TECPR2: variants seen among roughly 807,000 people sequenced by gnomAD.
TECPR2 encodes the protein tectonin beta-propeller repeat containing 2, also known as tectonin beta-propeller repeat-containing protein 2.
In TECPR2, 65 loss-of-function variants were observed where a neutral mutation model predicts 138.1. The ratio of observed to expected loss-of-function variants is 0.47; its 90% CI spans 0.39 to 0.58. The LOEUF is 0.58. Among genes scored for constraint, TECPR2 ranks in the 20% least tolerant of loss-of-function variants. The pLI, the probability that TECPR2 is intolerant of heterozygous loss-of-function variation, is 0.00. For missense variants in TECPR2, 1,553 were observed against 1,824.5 expected (o/e 0.85, Z 2.71); for synonymous variants, 746 against 749.8 (o/e 0.99, Z 0.08).
chr14:102,462,956 AG>A (rs1224525608), intron 16 of TECPR2, among the ~76,000 whole-genome samples: 1 of 152,218 alleles, frequency 6.6e-6, no homozygotes, highest in Non-Finnish European at 1.5e-5. Flanking sequence ...AAAGATTCCC[AG>A]CATCATTCCT....
At chr14:102,388,960 CAAAA>C (rs778348018) in intron 2 of TECPR2, among the ~76,000 whole-genome samples, 1 of 59,406 alleles carries the variant, frequency 1.7e-5, no homozygotes, top group African/African-American at 7.1e-5. Context: ...GACTCCGTCT[CAAAA>C]AAAAAAAAAA....
chr14:102,483,847 A>G (rs139522798), intron 17 of TECPR2, among the ~76,000 whole-genome samples: 5,501 of 126,398 alleles, frequency 0.044, 335 homozygotes, highest in African/African-American at 0.14. Context: ...CCCAGGCTGG[A>G]GTGCAGTGGC....
rs973383043 is a variant in TECPR2, at chr14:102,415,013, G to T, written c.638+220G>T. On this transcript the variant is annotated intron_variant, in intron 5 of 19. Coordinates refer to ENST00000359520, the MANE Select transcript of TECPR2 (RefSeq NM_014844.5). This position sits in a 1 kb window ranked among gnomAD's most constrained non-coding sequence, Gnocchi z 4.3. Reference sequence around the variant, plus strand: ...TTCTTCTTGTCGCAGAGCTGTAGGAGCCTGCACACACAGCCACTCTGCCTC... The same window carrying T: ...TTCTTCTTGTCGCAGAGCTGTAGGATCCTGCACACACAGCCACTCTGCCTC... Among the ~76,000 whole-genome samples the T allele has an allele frequency of 6.6e-6, 1 of 152,180 alleles. No homozygotes were observed. Among genetic ancestry groups the T allele is most frequent in the Non-Finnish European group, 1.5e-5 (1 of 68,038 alleles).
At position 102,431,983 on chromosome 14, in the gene TECPR2, C is replaced by G. The variant is rs1479776252; in HGVS notation, c.1272C>G (p.Pro424=). 2.5e-6 allele frequency: 4 copies of G among 1,612,782 alleles called. No homozygotes were observed. Among genetic ancestry groups the G allele is most frequent in the Non-Finnish European group, 3.4e-6 (4 of 1,179,908 alleles). ...NSTDSGSGLL[P]PGLQATPELG... ...CCGACAGCGGCTCCGGGCTCCTGCCCCCTGGGCTCCAGGCCACCCCTGAGC... is the reference window on the plus strand; with the variant it reads ...CCGACAGCGGCTCCGGGCTCCTGCCGCCTGGGCTCCAGGCCACCCCTGAGC... Residue 424 remains proline (P), a synonymous_variant, in exon 8 of 20, where the codon CCC becomes CCG. Transcript: ENST00000359520.
chr14:102,441,705 C>T (rs1299382682), intron 11 of TECPR2, among the ~76,000 whole-genome samples: 3 of 151,930 alleles, frequency 2.0e-5, no homozygotes, highest in African/African-American at 7.2e-5. Flanking sequence ...CAAAACAAAA[C>T]AAAAATAGCA....
At chr14:102,492,102 T>C (rs1891171669) in intron 17 of TECPR2, among the ~76,000 whole-genome samples, 1 of 152,198 alleles carries the variant, frequency 6.6e-6, no homozygotes. Flanking sequence ...CCAGAATGAC[T>C]TGCTCTTCCT....
intron 2 of TECPR2, among the ~76,000 whole-genome samples, chr14:102,393,665 T>C (rs1421873360): frequency 6.6e-6 from 1 of 152,144 alleles, no homozygotes; most frequent in Non-Finnish European, 1.5e-5. Context: ...CTCAAGCGAT[T>C]CTCCTGCCTC....
chr14:102,443,908 T>C lies in TECPR2; in HGVS notation c.2933+81T>C. On this transcript the variant is annotated intron_variant, in intron 12 of 19. Transcript: ENST00000359520. The surrounding 1 kb of genome is among the most constrained non-coding windows in gnomAD (Gnocchi z 4.9). ...GTCCACTTGACACCACAAGGCACCA[T>C]GAGGCCGTTCCTGGGAGGCAGCACC... The C allele has an allele frequency of 7.3e-7, 1 of 1,372,150 alleles. No homozygotes were observed. The allele number at this position is 1,372,150 out of a possible 1,614,324, so 85.0% of individuals were successfully genotyped here.
intron 16 of TECPR2, among the ~76,000 whole-genome samples, chr14:102,462,041 A>C (rs1242317433): frequency 6.6e-6 from 1 of 152,154 alleles, no homozygotes; most frequent in African/African-American, 2.4e-5. Flanking sequence ...CTGGAAGTAC[A>C]TCATCTAGTA....
chr14:102,407,016 C>T lies in TECPR2; in HGVS notation c.220-322C>T, dbSNP rs572425803. On this transcript the variant is annotated intron_variant, in intron 2 of 19. Coordinates refer to ENST00000359520, the MANE Select transcript of TECPR2 (RefSeq NM_014844.5). ...CTGGGATTACAGGCATCTGCCACCA[C>T]GCCCAGCTAATTTTTGTGTTTTTAG... 1.5e-3 allele frequency among the ~76,000 whole-genome samples: 229 copies of T among 152,298 alleles called. 1 individual carries two copies. Among genetic ancestry groups the T allele is most frequent in the Non-Finnish European group, 2.5e-3 (169 of 68,032 alleles).
At chr14:102,425,316 C>A (rs772463539) in intron 6 of TECPR2, 25 bp downstream of exon 6, 2 of 1,550,396 alleles carry the variant, frequency 1.3e-6, no homozygotes, top group Admixed American at 1.9e-5. Context: ...GCCACCATAT[C>A]TTCTGTGTCT....
Position 102,431,929 on chromosome 14 carries a change from A to C in TECPR2, c.1218A>C (p.Pro406=), listed in dbSNP as rs1889504266. 1.2e-6 allele frequency: 2 copies of C among 1,611,328 alleles called. No individual in the cohort carries two copies. Among genetic ancestry groups the C allele is most frequent in the South Asian group, 2.2e-5 (2 of 91,038 alleles). Residue 406 remains proline (P), a synonymous_variant, in exon 8 of 20, where the codon CCA becomes CCC. Coordinates refer to ENST00000359520, the MANE Select transcript of TECPR2 (RefSeq NM_014844.5). ...TGGCCAGCTCCGTGGCCAGCGAGCC[A>C]AGGAGCAGGAGCAGCTCGCTCAACT... ...SSMASSVASE[P]RSRSSSLNST... is the part of the protein sequence containing the mutation.
At chr14:102,401,683 T>TA (rs1055837014) in intron 2 of TECPR2, among the ~76,000 whole-genome samples, 4 of 150,876 alleles carry the variant, frequency 2.7e-5, no homozygotes, top group Non-Finnish European at 5.9e-5. Context: ...TGGGTGCCTG[T>TA]AGTCCCAGCT....
chr14:102,380,997 CAG>C (rs1887796784), intron 2 of TECPR2, among the ~76,000 whole-genome samples: 1 of 134,928 alleles, frequency 7.4e-6, no homozygotes, highest in Non-Finnish European at 1.6e-5. Context: ...TTTTTTTTGG[CAG>C]AGTTTCGCTC....
chr14:102,372,494 A>G (rs554674835), intron 1 of TECPR2, among the ~76,000 whole-genome samples: 14 of 152,052 alleles, frequency 9.2e-5, no homozygotes, highest in Non-Finnish European at 1.6e-4. Context: ...TGAACTCCCA[A>G]CCTCAGGTGA....
intron 19 of TECPR2, 80 bp downstream of exon 19, chr14:102,497,799 G>A (rs1004184664): frequency 1.4e-6 from 2 of 1,451,326 alleles, no homozygotes; most frequent in East Asian, 2.5e-5. Context: ...GGCTCTCAAA[G>A]AAGCCGACCC....
chr14:102,370,848 A>G (rs1887486693), intron 1 of TECPR2, among the ~76,000 whole-genome samples: 1 of 152,002 alleles, frequency 6.6e-6, no homozygotes, highest in Non-Finnish European at 1.5e-5. Flanking sequence ...TGTGTGGGAG[A>G]TGTACTGAAT....
At chr14:102,467,359 T>C (rs1890568258) in intron 17 of TECPR2, among the ~76,000 whole-genome samples, 1 of 145,236 alleles carries the variant, frequency 6.9e-6, no homozygotes, top group Admixed American at 7.0e-5. Context: ...AGTTTCGCTC[T>C]TATTGCCTAG....
chr14:102,425,243 G>C lies in TECPR2; in HGVS notation c.903G>C (p.Val301=). 6.2e-7 allele frequency: 1 copy of C among 1,613,216 alleles called. No homozygotes were observed. The highest frequency in any genetic ancestry group is 8.5e-7 in the Non-Finnish European group (1 of 1,179,422). The change falls in exon 6 of 20, where the codon GTG becomes GTC. Residue 301 remains valine, a synonymous_variant. Transcript: ENST00000359520. ...CATGTTTCTTTCAAGAAGGCTGGGT[G>C]CTGAGTTGGAATGAATATAGTATCT... is the stretch of plus-strand genomic sequence containing the variant. ...LVSCFFQEGW[V]LSWNEYSIYL...
Sources: gnomAD v4.1 joint callset for allele counts (sites outside exome capture counted in the v4.1 genomes callset) on GRCh38, gnomAD v4.1.1 for gene constraint, Gnocchi (gnomAD v3.1) non-coding constraint, MANE v1.5 for transcripts, NCBI Gene and HGNC (gene_info 2026-07-23, HGNC 2026-07-21) for gene names.